CSMD1: variants seen among roughly 807,000 people sequenced by gnomAD.
The protein encoded by CSMD1 is CUB and sushi domain-containing protein 1.
Under a neutral mutation model 417.5 loss-of-function variants are expected in CSMD1, and 213 were observed. That is an observed-to-expected ratio of 0.51 (90% CI 0.46 to 0.57). CSMD1 has a LOEUF of 0.57. Among genes scored for constraint, CSMD1 ranks in the 20% least tolerant of loss-of-function variants. The pLI, the probability that CSMD1 is intolerant of heterozygous loss-of-function variation, is 0.00. For missense variants in CSMD1, 6,923 were observed against 4,529.7 expected (o/e 1.53, Z -15.17); for synonymous variants, 2,862 against 1,736.8 (o/e 1.65, Z -16.11).
intron 7 of CSMD1, among the ~76,000 whole-genome samples, chr8:3,672,227 G>T (rs562813862): frequency 6.6e-6 from 1 of 152,182 alleles, no homozygotes; most frequent in East Asian, 1.9e-4. Context: ...TTTGTTATTT[G>T]CTCATAAGAT....
chr8:3,669,278 T>C (rs775219022), intron 7 of CSMD1, among the ~76,000 whole-genome samples: 1 of 152,210 alleles, frequency 6.6e-6, no homozygotes, highest in Non-Finnish European at 1.5e-5. Context: ...CTGTGTTTTC[T>C]CATCTGTCAT....
intron 1 of CSMD1, among the ~76,000 whole-genome samples, chr8:4,840,438 T>C (rs948074188): frequency 6.6e-6 from 1 of 152,242 alleles, no homozygotes; most frequent in African/African-American, 2.4e-5. Flanking sequence ...TTGAAGACTA[T>C]AGTCAGTTCT....
intron 46 of CSMD1, among the ~76,000 whole-genome samples, chr8:3,102,760 T>G (rs887058727): frequency 2.6e-5 from 4 of 151,764 alleles, no homozygotes; most frequent in Non-Finnish European, 5.9e-5. Flanking sequence ...TGGAACGGAG[T>G]GTTTCCGTTA....
chr8:4,886,133 G>T (rs1261949987), intron 1 of CSMD1, among the ~76,000 whole-genome samples: 4 of 152,016 alleles, frequency 2.6e-5, no homozygotes, highest in Non-Finnish European at 2.9e-5. Context: ...TGAGACCACA[G>T]GCACATGCCA....
intron 2 of CSMD1, among the ~76,000 whole-genome samples, chr8:4,544,671 C>T (rs1353735839): frequency 2.0e-5 from 3 of 152,072 alleles, no homozygotes; most frequent in Non-Finnish European, 4.4e-5. Context: ...ATTCCATGTC[C>T]AGCTTTAAGC....
intron 5 of CSMD1, among the ~76,000 whole-genome samples, chr8:3,912,805 A>G (rs1469795133): frequency 6.6e-6 from 1 of 152,216 alleles, no homozygotes; most frequent in African/African-American, 2.4e-5. Context: ...GCTAGAGTAA[A>G]CATGGTAGGA....
intron 2 of CSMD1, among the ~76,000 whole-genome samples, chr8:4,471,081 G>C (rs1007459196): frequency 6.6e-6 from 1 of 152,042 alleles, no homozygotes; most frequent in Non-Finnish European, 1.5e-5. Flanking sequence ...TAAAATCTTT[G>C]ACATATTTGT....
rs564098474 is a variant in CSMD1 at position 4,466,017 on chromosome 8, A to T, written c.303-45952T>A. Among the ~76,000 whole-genome samples the T allele has an allele frequency of 2.0e-5, 3 of 152,360 alleles. No individual in the cohort carries two copies. The East Asian group carries it at 5.8e-4, about 29-fold the overall frequency. On this transcript the variant is annotated intron_variant, in intron 2 of 69. Coordinates refer to ENST00000635120, the MANE Select transcript of CSMD1 (RefSeq NM_033225.6). Reference sequence around the variant, plus strand: ...TGAGACATTAAAGATGTGCAATCACATTTGGATTGACAAATTACTTTTATT... The same window carrying T: ...TGAGACATTAAAGATGTGCAATCACTTTTGGATTGACAAATTACTTTTATT...
intron 49 of CSMD1, among the ~76,000 whole-genome samples, chr8:3,073,833 G>A (rs1216466163): frequency 1.3e-5 from 2 of 151,616 alleles, no homozygotes; most frequent in Admixed American, 1.3e-4. Flanking sequence ...ATGATCAAAT[G>A]AATGAAAATG....
At chr8:4,859,229 C>G (rs1801986250) in intron 1 of CSMD1, among the ~76,000 whole-genome samples, 1 of 151,970 alleles carries the variant, frequency 6.6e-6, no homozygotes, top group East Asian at 2.0e-4. Flanking sequence ...AAAGCTGAAA[C>G]TGGATCCCTT....
chr8:4,403,269 C>T (rs1056140831), intron 3 of CSMD1, among the ~76,000 whole-genome samples: 6 of 152,194 alleles, frequency 3.9e-5, no homozygotes, highest in African/African-American at 1.4e-4. Flanking sequence ...AAACAGTCAA[C>T]AATGAACATA....
chr8:4,861,444 G>C (rs1802125990), intron 1 of CSMD1, among the ~76,000 whole-genome samples: 1 of 152,080 alleles, frequency 6.6e-6, no homozygotes, highest in Non-Finnish European at 1.5e-5. Context: ...CAGAGTTCTT[G>C]GAAGTGCTCG....
chr8:3,186,051 G>T (rs1337286329), intron 36 of CSMD1, among the ~76,000 whole-genome samples: 2 of 149,346 alleles, frequency 1.3e-5, no homozygotes, highest in Admixed American at 6.7e-5. Context: ...AAAAAAAAAA[G>T]TGTGACTTTT....
At chr8:4,948,302 G>C (rs1267185823) in intron 1 of CSMD1, among the ~76,000 whole-genome samples, 2 of 151,958 alleles carry the variant, frequency 1.3e-5, no homozygotes, top group African/African-American at 2.4e-5. Context: ...GTTAGGTATA[G>C]TTGTTATTTT....
intron 1 of CSMD1, among the ~76,000 whole-genome samples, chr8:4,902,081 T>C (rs1391875947): frequency 6.6e-6 from 1 of 152,150 alleles, no homozygotes; most frequent in Non-Finnish European, 1.5e-5. Flanking sequence ...TATATGTGTA[T>C]ATTTGTTGAT....
chr8:3,903,166 G>A (rs889738178), intron 5 of CSMD1, among the ~76,000 whole-genome samples: 1 of 152,030 alleles, frequency 6.6e-6, no homozygotes, highest in Non-Finnish European at 1.5e-5. Flanking sequence ...ATTCCATTTA[G>A]CGATTGAGTA....
chr8:4,092,619 G>C (rs1190004996), intron 3 of CSMD1, among the ~76,000 whole-genome samples: 1 of 152,190 alleles, frequency 6.6e-6, no homozygotes, highest in Non-Finnish European at 1.5e-5. Context: ...ATTATGAGAA[G>C]AATGACGTGA....
chr8:2,946,305 G>C (rs543352955), intron 68 of CSMD1, among the ~76,000 whole-genome samples: 5 of 152,038 alleles, frequency 3.3e-5, no homozygotes, highest in Non-Finnish European at 7.4e-5. Context: ...GTTTTCATAG[G>C]GTGGTGCAAT....
chr8:3,815,143 C>A (rs1381494997), intron 5 of CSMD1, among the ~76,000 whole-genome samples: 2 of 152,080 alleles, frequency 1.3e-5, no homozygotes, highest in Non-Finnish European at 2.9e-5. Flanking sequence ...TAGTATTTCT[C>A]CCAGATATAG....
Sources: gnomAD v4.1 joint callset for allele counts (sites outside exome capture counted in the v4.1 genomes callset) on GRCh38, gnomAD v4.1.1 for gene constraint, MANE v1.5 for transcripts, NCBI Gene and HGNC (gene_info 2026-07-23, HGNC 2026-07-21) for gene names.